The following GUCY2D variants were observed in gnomAD, a reference collection of about 807,000 sequenced individuals.
GUCY2D encodes retinal guanylyl cyclase 1.
A neutral mutation model predicts 101.3 loss-of-function variants in GUCY2D; 70 were observed. The ratio of observed to expected loss-of-function variants is 0.69; its 90% CI spans 0.57 to 0.84. The LOEUF is 0.84. Ranked by LOEUF, GUCY2D falls within the 40% of genes least tolerant of loss-of-function variation. The probability of loss-of-function intolerance (pLI) is 0.00; values close to 1 mark genes in which losing one functional copy is unlikely to be tolerated. For missense variants in GUCY2D, 1,460 were observed against 1,542.5 expected, an observed-to-expected ratio of 0.95 and a Z score of 0.90; for synonymous variants, 688 against 670.7, an observed-to-expected ratio of 1.03 and a Z score of -0.40.
At position 8,013,458 on chromosome 17, in the gene GUCY2D, A is replaced by G. The variant is rs1169247450; in HGVS notation, c.2263+206A>G. ...CGTGGTTCATTAGGTCCCAGACCAC[A>G]ACAGCTTCCTCTTTCTTGATGCTGG... On this transcript the variant is annotated intron_variant, in intron 11 of 19. Transcript: ENST00000254854. The surrounding 1 kb of genome is among the most constrained non-coding windows in gnomAD (Gnocchi z 5.0). 1.6e-6 allele frequency: 1 copy of G among 617,430 alleles called. No individual in the cohort carries two copies. Among genetic ancestry groups the G allele is most frequent in the African/African-American group, 1.8e-5 (1 of 54,518 alleles). The allele number at this position is 617,430 out of a possible 1,614,324, so 38.2% of individuals were successfully genotyped here. A position where few individuals can be genotyped will look rare whatever the true frequency, so the allele number is the denominator to read the frequency against.
At position 8,003,224 on chromosome 17, in the gene GUCY2D, G is replaced by T. The variant is rs1056763147; in HGVS notation, c.177G>T (p.Leu59=). The change falls in exon 2 of 20, where the codon CTG becomes CTT. Residue 59 remains leucine (L), a synonymous_variant. Coordinates refer to ENST00000254854, the MANE Select transcript of GUCY2D (RefSeq NM_000180.4). Reference sequence around the variant, plus strand: ...CCGCCGTGTTCACGGTGGGGGTCCTGGGCCCCTGGGCTTGCGACCCCATCT... The same window carrying T: ...CCGCCGTGTTCACGGTGGGGGTCCTTGGCCCCTGGGCTTGCGACCCCATCT... ...ALSAVFTVGV[L]GPWACDPIFS... The T allele has an allele frequency of 7.9e-6, 12 of 1,518,734 alleles. No homozygotes were observed. The highest frequency in any genetic ancestry group is 1.4e-5 in the African/African-American group (1 of 69,334). 94.1% of individuals were successfully genotyped at this position (1,518,734 alleles called of 1,614,324 possible).
In GUCY2D at chr17:8,003,524, C is replaced by A. The variant is rs1335976673; in HGVS notation, c.477C>A (p.Gly159=). 2 of 1,539,324 alleles carry A rather than the reference C, an allele frequency of 1.3e-6. No homozygotes were observed. The highest frequency in any genetic ancestry group is 1.2e-5 in the South Asian group (1 of 84,818). The change falls in exon 2 of 20, where the codon GGC becomes GGA. Residue 159 remains glycine (G), a synonymous_variant. Transcript: ENST00000254854. ...PWGCPWTQAE[G]TTAPAVTPAA... ...GCTGCCCCTGGACGCAGGCGGAGGG[C>A]ACCACGGCCCCTGCCGTGACCCCCG... is the stretch of plus-strand genomic sequence containing the variant.
At chr17:8,017,220 G>A (rs1484290522) in intron 19 of GUCY2D, among the ~76,000 whole-genome samples, 2 of 152,148 alleles carry the variant, frequency 1.3e-5, no homozygotes, top group Admixed American at 6.6e-5. Flanking sequence ...GTGGCAAAAT[G>A]GGGGGTGGCC....
intron 19 of GUCY2D, among the ~76,000 whole-genome samples, chr17:8,017,849 C>T (rs1347756607): frequency 5.9e-5 from 9 of 152,164 alleles, no homozygotes; most frequent in African/African-American, 1.2e-4. Context: ...CCCGCCACCA[C>T]GCCCGGGTAA....
intron 8 of GUCY2D, among the ~76,000 whole-genome samples, chr17:8,009,971 C>T (rs1187124074): frequency 6.6e-6 from 1 of 151,762 alleles, no homozygotes; most frequent in African/African-American, 2.4e-5. Flanking sequence ...GAGCAAGACC[C>T]TGTCAAAATT....
Position 8,013,050 on chromosome 17 carries a change from G to A in GUCY2D, c.2114-53G>A, listed in dbSNP as rs1021597103. On this transcript the variant is annotated intron_variant, in intron 10 of 19. Coordinates refer to ENST00000254854, the MANE Select transcript of GUCY2D (RefSeq NM_000180.4). The surrounding 1 kb of genome is among the most constrained non-coding windows in gnomAD (Gnocchi z 5.0). ...TCTGGGTGCCAACCTGGGCTTTCTG[G>A]TGAGGGTGGGAGTCTTTCCCCAGCG... 1.3e-6 allele frequency: 2 copies of A among 1,576,422 alleles called. No individual in the cohort carries two copies. The highest frequency in any genetic ancestry group is 2.7e-5 in the African/African-American group (2 of 74,342).
chr17:8,015,359 C>T lies in GUCY2D; in HGVS notation c.2801C>T (p.Ala934Val), dbSNP rs1423857529. ...VETIGDAYMV[A>V]SGLPQRNGQR... is the part of the protein sequence containing the mutation. ...ACAATAGGGGACGCCTATATGGTGG[C>T]CTCGGGGCTGCCCCAGCGGAATGGG... Residue 934 changes from alanine to valine, a missense_variant, in exon 15 of 20, where the codon GCC (alanine) becomes GTC (valine). Ala to Val is a moderately conservative substitution (Grantham distance 64). This residue lies in a region of GUCY2D where 49 missense variants were observed against 85.0 expected (regional missense o/e 0.58). Coordinates refer to ENST00000254854, the MANE Select transcript of GUCY2D (RefSeq NM_000180.4). 2 of 1,610,440 alleles carry T rather than the reference C, an allele frequency of 1.2e-6. No individual in the cohort carries two copies. The highest frequency in any genetic ancestry group is 2.2e-5 in the East Asian group (1 of 44,900).
Position 8,013,430 on chromosome 17 carries a change from G to C in GUCY2D, c.2263+178G>C. 1.5e-6 allele frequency: 1 copy of C among 688,014 alleles called. No homozygotes were observed. Among genetic ancestry groups the C allele is most frequent in the South Asian group, 1.6e-5 (1 of 62,328 alleles). 42.6% of individuals were successfully genotyped at this position (688,014 alleles called of 1,614,324 possible). On this transcript the variant is annotated intron_variant, in intron 11 of 19. Coordinates refer to ENST00000254854, the MANE Select transcript of GUCY2D (RefSeq NM_000180.4). This position sits in a 1 kb window ranked among gnomAD's most constrained non-coding sequence, Gnocchi z 5.0. ...GAAAGCCGTGCATGGCCAGGGTGGGGAGCGTGGTTCATTAGGTCCCAGACC... is the reference window on the plus strand; with the variant it reads ...GAAAGCCGTGCATGGCCAGGGTGGGCAGCGTGGTTCATTAGGTCCCAGACC...
Position 8,007,042 on chromosome 17 carries a change from C to T in GUCY2D, c.1379-18C>T. ...CTGGCATCGCTCCTCAGTATACCTC[C>T]TGTCACTGTCCCTTCAGGACTGGAG... On this transcript the variant is annotated intron_variant, in intron 4 of 19. Coordinates refer to ENST00000254854, the MANE Select transcript of GUCY2D (RefSeq NM_000180.4). 6.2e-7 allele frequency: 1 copy of T among 1,604,010 alleles called. No homozygotes were observed. Among genetic ancestry groups the T allele is most frequent in the Non-Finnish European group, 8.5e-7 (1 of 1,170,858 alleles).
Position 8,016,280 on chromosome 17 carries a change from C to T in GUCY2D, c.3214C>T (p.Leu1072=). Reference sequence around the variant, plus strand: ...CAAGCCCATCCCCAAACCGCCTGACCTGCAACCGGGGTGAGGGGCCGGCCT... The same window carrying T: ...CAAGCCCATCCCCAAACCGCCTGACTTGCAACCGGGGTGAGGGGCCGGCCT... ...FNKPIPKPPD[L]QPGSSNHGIS... is the part of the protein sequence containing the mutation. The change falls in exon 18 of 20, where the codon CTG becomes TTG. Residue 1072 remains leucine (L), a synonymous_variant. Transcript: ENST00000254854. 2 of 1,571,108 alleles carry T rather than the reference C, an allele frequency of 1.3e-6. No homozygotes were observed. Among genetic ancestry groups the T allele is most frequent in the South Asian group, 2.3e-5 (2 of 85,594 alleles).
Position 8,007,086 on chromosome 17 carries a change from G to A in GUCY2D, c.1405G>A (p.Gly469Ser), listed in dbSNP as rs748301943. 30 of 1,614,000 alleles carry A rather than the reference G, an allele frequency of 1.9e-5. No homozygotes were observed. The South Asian group carries it at 2.6e-4, about 14-fold the overall frequency. ...ACTGGAGCCGGGCCTCGTCTTTCTT[G>A]GCTTCCTCCTGGTGGTTGGGATGGG... Reference protein sequence around the residue: ...GGLEPGLVFLGFLLVVGMGLA... With the variant: ...GGLEPGLVFLSFLLVVGMGLA... The change falls in exon 5 of 20, where the codon GGC becomes AGC. Residue 469 changes from glycine to serine, a missense_variant. Coordinates refer to ENST00000254854, the MANE Select transcript of GUCY2D (RefSeq NM_000180.4).
intron 4 of GUCY2D, 32 bp from the exon 5 acceptor site, chr17:8,007,028 C>G (rs780858451): frequency 1.9e-6 from 3 of 1,566,192 alleles, no homozygotes; most frequent in Non-Finnish European, 2.6e-6. Flanking sequence ...TGGCATCGCT[C>G]CTCAGTATAC....
chr17:8,015,492 C>G lies in GUCY2D; in HGVS notation c.2934C>G (p.Gly978=), dbSNP rs761542444. The stretch of plus-strand genomic sequence containing the variant: ...AGGTTCCCGTGCGCATCCGCATAGG[C>G]CTGCACTCGGGTAACTCCCGGGTCT... ...MPEVPVRIRI[G]LHSGPCVAGV... is the part of the protein sequence containing the mutation. The change falls in exon 15 of 20, where the codon GGC becomes GGG. Residue 978 remains glycine, a synonymous_variant. Transcript: ENST00000254854. 7 of 1,611,646 alleles carry G rather than the reference C, an allele frequency of 4.3e-6. No individual in the cohort carries two copies. Among genetic ancestry groups the G allele is most frequent in the African/African-American group, 1.3e-5 (1 of 74,992 alleles).
rs536530182 is a variant in GUCY2D, at chr17:8,006,286, C to G, written c.1027-77C>G. 1.2e-5 allele frequency: 13 copies of G among 1,120,862 alleles called. No individual in the cohort carries two copies. In the South Asian group the frequency reaches 1.6e-4, roughly 14 times the overall value. 69.4% of individuals were successfully genotyped at this position (1,120,862 alleles called of 1,614,324 possible). Reference sequence around the variant, plus strand: ...AGGTGGCAACAGTGGATACCCTGGGCTTGACAGGCAGTGAAAGAATCTGGT... The same window carrying G: ...AGGTGGCAACAGTGGATACCCTGGGGTTGACAGGCAGTGAAAGAATCTGGT... On this transcript the variant is annotated intron_variant, in intron 3 of 19. Transcript: ENST00000254854.
chr17:8,009,712 T>A, intron 8 of GUCY2D, 126 bp downstream of exon 8: 2 of 734,270 alleles, frequency 2.7e-6, no homozygotes, highest in South Asian at 2.9e-5. Context: ...TGGTGGCTCA[T>A]ACGTGTAATC....
Position 8,013,085 on chromosome 17 carries a change from C to A in GUCY2D, c.2114-18C>A, listed in dbSNP as rs1280430354. The A allele has an allele frequency of 6.2e-7, 1 of 1,608,622 alleles. No individual in the cohort carries two copies. Among genetic ancestry groups the A allele is most frequent in the Non-Finnish European group, 8.5e-7 (1 of 1,178,200 alleles). On this transcript the variant is annotated intron_variant, in intron 10 of 19. Coordinates refer to ENST00000254854, the MANE Select transcript of GUCY2D (RefSeq NM_000180.4). This position sits in a 1 kb window ranked among gnomAD's most constrained non-coding sequence, Gnocchi z 5.0. ...GAGTCTTTCCCCAGCGGCGCCTCAGCCCCTTCCCCATCCCCAGACCAGCTG... is the reference window on the plus strand; with the variant it reads ...GAGTCTTTCCCCAGCGGCGCCTCAGACCCTTCCCCATCCCCAGACCAGCTG...
chr17:8,014,902 G>C lies in GUCY2D; in HGVS notation c.2620G>C (p.Glu874Gln). The C allele has an allele frequency of 6.2e-7, 1 of 1,614,082 alleles. No homozygotes were observed. The highest frequency in any genetic ancestry group is 1.3e-5 in the African/African-American group (1 of 75,000). Reference protein sequence around the residue: ...ALKTGTPVEPEYFEQVTLYFS... With the variant: ...ALKTGTPVEPQYFEQVTLYFS... The stretch of plus-strand genomic sequence containing the variant: ...GAAGACGGGGACACCAGTGGAGCCC[G>C]AGTACTTTGAGCAAGTGACACTGTA... Residue 874 changes from glutamate (E) to glutamine (Q), a missense_variant, in exon 14 of 20, where the codon GAG becomes CAG. By Grantham distance (29) the Glu-to-Gln change is conservative. Transcript: ENST00000254854. The surrounding 1 kb of genome is among the most constrained non-coding windows in gnomAD (Gnocchi z 4.0).
chr17:8,010,434 TG>T (rs1170677645), intron 8 of GUCY2D, among the ~76,000 whole-genome samples: 1 of 152,150 alleles, frequency 6.6e-6, no homozygotes, highest in Non-Finnish European at 1.5e-5. Flanking sequence ...CAGGAGCTCT[TG>T]GTCACAGATG....
rs1598151461 is a variant in GUCY2D, at chr17:8,015,797, G to A, written c.2999G>A (p.Gly1000Glu). ...GLTMPRYCLFGDTVNTASRME... is the reference protein window; with the variant it reads ...GLTMPRYCLFEDTVNTASRME... Reference sequence around the variant, plus strand: ...ACCATGCCGCGGTACTGCCTGTTTGGGGACACGGTCAACACCGCCTCGCGC... The same window carrying A: ...ACCATGCCGCGGTACTGCCTGTTTGAGGACACGGTCAACACCGCCTCGCGC... The change falls in exon 16 of 20, where the codon GGG becomes GAG. Residue 1000 changes from glycine (G) to glutamate (E), a missense_variant. Gly to Glu is a moderately conservative substitution (Grantham distance 98). Coordinates refer to ENST00000254854, the MANE Select transcript of GUCY2D (RefSeq NM_000180.4). 6.2e-7 allele frequency: 1 copy of A among 1,612,902 alleles called. No homozygotes were observed. The highest frequency in any genetic ancestry group is 8.5e-7 in the Non-Finnish European group (1 of 1,179,680).
Sources: gnomAD v4.1 joint callset for allele counts (sites outside exome capture counted in the v4.1 genomes callset) on GRCh38, gnomAD v4.1.1 for gene constraint, gnomAD v4.1.1 regional missense constraint, Gnocchi (gnomAD v3.1) non-coding constraint, MANE v1.5 for transcripts, NCBI Gene and HGNC (gene_info 2026-07-23, HGNC 2026-07-21) for gene names.